Variants in MID1 observed in about 807,000 individuals in gnomAD.
MID1 encodes E3 ubiquitin-protein ligase Midline-1.
Under a neutral mutation model 40.4 loss-of-function variants are expected in MID1, and 7 were observed. That is an observed-to-expected ratio of 0.17 (90% confidence interval 0.10 to 0.33). The LOEUF is 0.33. MID1 is among the 10% of genes least tolerant of loss of function. The pLI is 1.00. For synonymous variants in MID1, 229 were observed against 221.2 expected (o/e 1.04, Z -0.31); for missense variants, 367 against 558.5 (o/e 0.66, Z 3.46).
upstream of MID1, among the ~76,000 whole-genome samples, chrX:10,621,241 C>T (rs1935930469): frequency 9.0e-6 from 1 of 111,403 alleles, no homozygotes; most frequent in Admixed American, 9.5e-5. Flanking sequence ...AGTGCATCCA[C>T]CTTTCTCTAT....
intron 4 of MID1, among the ~76,000 whole-genome samples, chrX:10,493,464 T>C (rs950400387): frequency 9.8e-5 from 11 of 112,419 alleles, no homozygotes; most frequent in Non-Finnish European, 1.9e-4. Flanking sequence ...AATAAATCTA[T>C]GTTGTCTCAA....
At chrX:10,559,345 T>C (rs771703730) in intron 2 of MID1, among the ~76,000 whole-genome samples, 7 of 112,162 alleles carry the variant, frequency 6.2e-5, no homozygotes, top group Non-Finnish European at 1.1e-4. Flanking sequence ...ACAAACAGAA[T>C]TGCATATTGG....
At chrX:10,781,157 T>C (rs1203496560) in intron 1 of MID1, among the ~76,000 whole-genome samples, 1 of 112,431 alleles carries the variant, frequency 8.9e-6, no homozygotes, top group African/African-American at 3.2e-5. Context: ...AATGACGTTC[T>C]AAAATATCAA....
chrX:10,460,541 C>T (rs1179841763), intron 7 of MID1, among the ~76,000 whole-genome samples: 1 of 110,950 alleles, frequency 9.0e-6, no homozygotes, highest in Non-Finnish European at 1.9e-5. Context: ...GGTATCAGGT[C>T]CAACTCCCCT....
intron 1 of MID1, among the ~76,000 whole-genome samples, chrX:10,613,100 C>T (rs1354074464): frequency 9.0e-6 from 1 of 111,439 alleles, no homozygotes; most frequent in Non-Finnish European, 1.9e-5. Flanking sequence ...CTCAGCAGGG[C>T]ATTCAATGAA....
intron 1 of MID1, among the ~76,000 whole-genome samples, chrX:10,655,186 AAG>A (rs1028961851): frequency 5.4e-5 from 6 of 111,754 alleles, no homozygotes; most frequent in African/African-American, 2.0e-4. Context: ...AAAACCAAGA[AAG>A]AGAAAAAATG....
chrX:10,715,131 C>T (rs970549502), intron 1 of MID1, among the ~76,000 whole-genome samples: 8 of 112,141 alleles, frequency 7.1e-5, no homozygotes, highest in African/African-American at 1.3e-4. Context: ...ACGCAGAAGA[C>T]GAATGATTTC....
chrX:10,742,377 T>A (rs778277572), intron 1 of MID1, among the ~76,000 whole-genome samples: 16 of 111,514 alleles, frequency 1.4e-4, no homozygotes, highest in Non-Finnish European at 3.0e-4. Context: ...CAAACTACAT[T>A]GAAAAAAAAT....
At chrX:10,533,521 A>T (rs1933116721) in intron 2 of MID1, among the ~76,000 whole-genome samples, 1 of 109,959 alleles carries the variant, frequency 9.1e-6, no homozygotes, top group South Asian at 3.8e-4. Flanking sequence ...TATACATAAC[A>T]TTTTTTTTCT....
intron 6 of MID1, among the ~76,000 whole-genome samples, chrX:10,471,331 C>T (rs1247713848): frequency 1.8e-5 from 2 of 112,329 alleles, no homozygotes; most frequent in Non-Finnish European, 3.8e-5. Context: ...GTAGTCTTCA[C>T]TTTGCTTTTT....
chrX:10,535,179 C>T (rs952101406), intron 2 of MID1, among the ~76,000 whole-genome samples: 8 of 111,686 alleles, frequency 7.2e-5, no homozygotes, highest in African/African-American at 1.3e-4. Context: ...CCTTCCCAAC[C>T]GGAGAGTATA....
intron 2 of MID1, among the ~76,000 whole-genome samples, chrX:10,554,098 C>T (rs940617328): frequency 1.8e-5 from 2 of 111,576 alleles, no homozygotes; most frequent in Admixed American, 9.6e-5. Context: ...AAAGATGGTT[C>T]CTATTTACCC....
chrX:10,797,082 TA>T (rs939695213), intron 1 of MID1, among the ~76,000 whole-genome samples: 22 of 107,946 alleles, frequency 2.0e-4, no homozygotes, highest in African/African-American at 8.1e-4. Flanking sequence ...TCTATCAACA[TA>T]TTTTTTTTGC....
chrX:10,728,494 G>C (rs891390012), intron 1 of MID1, among the ~76,000 whole-genome samples: 4 of 112,269 alleles, frequency 3.6e-5, no homozygotes, highest in Non-Finnish European at 5.6e-5. Flanking sequence ...AGAGGGATGA[G>C]TGAGAATGAA....
chrX:10,681,762 G>A (rs757026679), intron 1 of MID1, among the ~76,000 whole-genome samples: 1 of 111,270 alleles, frequency 9.0e-6, no homozygotes, highest in Non-Finnish European at 1.9e-5. Flanking sequence ...TGTCATTTTG[G>A]AGAGTACAAT....
intron 1 of MID1, among the ~76,000 whole-genome samples, chrX:10,687,899 T>G (rs1008283400): frequency 9.0e-6 from 1 of 110,966 alleles, no homozygotes; most frequent in Non-Finnish European, 1.9e-5. Context: ...CTATTTTTTG[T>G]AGAGATGGGG....
chrX:10,478,212 C>T, intron 5 of MID1, among the ~76,000 whole-genome samples: 1 of 112,311 alleles, frequency 8.9e-6, no homozygotes, highest in Non-Finnish European at 1.9e-5. Flanking sequence ...TAGTGAATAG[C>T]TTTGCTTATT....
chrX:10,666,023 C>T (rs1215199559), intron 1 of MID1, among the ~76,000 whole-genome samples: 1 of 107,905 alleles, frequency 9.3e-6, no homozygotes, highest in Non-Finnish European at 1.9e-5. Context: ...GGATGGGGAA[C>T]AATCTCAAGC....
chrX:10,511,780 CACAT>C (rs1932172234), intron 3 of MID1, among the ~76,000 whole-genome samples: 1 of 112,350 alleles, frequency 8.9e-6, no homozygotes, highest in South Asian at 3.7e-4. Context: ...GGAATATTTG[CACAT>C]ACATAATGAG....
Sources: gnomAD v4.1 joint callset for allele counts (sites outside exome capture counted in the v4.1 genomes callset) on GRCh38, gnomAD v4.1.1 for gene constraint, MANE v1.5 for transcripts, NCBI Gene and HGNC (gene_info 2026-07-23, HGNC 2026-07-21) for gene names.